Variants in CSMD1 observed in about 807,000 individuals in gnomAD.
The protein encoded by CSMD1 is CUB and Sushi multiple domains 1.
In CSMD1, 213 loss-of-function variants were observed where a neutral mutation model predicts 417.5. That is an observed-to-expected ratio of 0.51 (90% CI 0.46 to 0.57). The LOEUF is 0.57. Ranked by LOEUF, CSMD1 falls within the 20% of genes least tolerant of loss-of-function variation. The pLI, the probability that CSMD1 is intolerant of heterozygous loss-of-function variation, is 0.00. For synonymous variants in CSMD1, 2,862 were observed against 1,736.8 expected (o/e 1.65, Z -16.11); for missense variants, 6,923 against 4,529.7 (o/e 1.53, Z -15.17).
At chr8:4,359,208 G>A (rs1158371260) in intron 3 of CSMD1, among the ~76,000 whole-genome samples, 1 of 152,148 alleles carries the variant, frequency 6.6e-6, no homozygotes, top group South Asian at 2.1e-4. Flanking sequence ...AGCATGAGTT[G>A]CATTATCTGT....
At chr8:3,288,984 A>G (rs1203270750) in intron 25 of CSMD1, among the ~76,000 whole-genome samples, 2 of 143,032 alleles carry the variant, frequency 1.4e-5, no homozygotes, top group African/African-American at 3.0e-5. Context: ...CACTCCCCCT[A>G]CCCCACAACA....
chr8:3,281,458 GTAAA>G, intron 26 of CSMD1, among the ~76,000 whole-genome samples: 1 of 152,084 alleles, frequency 6.6e-6, no homozygotes, highest in African/African-American at 2.4e-5. Context: ...AAAAAAACGG[GTAAA>G]TAAACTGTGG....
At chr8:3,506,433 T>A (rs117118954) in intron 10 of CSMD1, among the ~76,000 whole-genome samples, 2 of 152,138 alleles carry the variant, frequency 1.3e-5, no homozygotes, top group African/African-American at 2.4e-5. Flanking sequence ...GCCGAATGGG[T>A]AAGTACTCAC....
At chr8:3,876,604 GTT>G (rs1805841067) in intron 5 of CSMD1, among the ~76,000 whole-genome samples, 1 of 152,108 alleles carries the variant, frequency 6.6e-6, no homozygotes, top group Non-Finnish European at 1.5e-5. Flanking sequence ...TCATGGTATT[GTT>G]TTTGTTTGTT....
chr8:3,591,195 C>T lies in CSMD1; in HGVS notation c.1098-4935G>A, dbSNP rs1429799537. 2.0e-5 allele frequency among the ~76,000 whole-genome samples: 3 copies of T among 152,172 alleles called. 1 individual carries two copies. Among genetic ancestry groups the T allele is most frequent in the Admixed American group, 2.0e-4 (3 of 15,280 alleles). The stretch of plus-strand genomic sequence containing the variant: ...TACATGGTACATTGACAATAAATAT[C>T]ACACAGCAAAAGTTAACTCAAACAA... On this transcript the variant is annotated intron_variant, in intron 8 of 69. Transcript: ENST00000635120.
chr8:3,186,236 T>C (rs1356925733), intron 36 of CSMD1, among the ~76,000 whole-genome samples: 1 of 152,214 alleles, frequency 6.6e-6, no homozygotes, highest in Non-Finnish European at 1.5e-5. Context: ...ACACAGTGTC[T>C]GATATCTAGC....
chr8:3,851,469 A>G (rs1369756790), intron 5 of CSMD1, among the ~76,000 whole-genome samples: 1 of 152,182 alleles, frequency 6.6e-6, no homozygotes, highest in Non-Finnish European at 1.5e-5. Context: ...CTCAAGGGAA[A>G]AAGTACAAAA....
chr8:3,677,559 G>A (rs762274603), intron 7 of CSMD1, among the ~76,000 whole-genome samples: 28 of 152,146 alleles, frequency 1.8e-4, no homozygotes, highest in African/African-American at 6.3e-4. Flanking sequence ...GCACCCAGAA[G>A]GGTTTGGAGA....
In CSMD1 at chr8:3,795,851, ATATC is replaced by A. The variant is rs1236697031; in HGVS notation, c.819-41813_819-41810del. On this transcript the variant is annotated intron_variant, in intron 5 of 69. Coordinates refer to ENST00000635120, the MANE Select transcript of CSMD1 (RefSeq NM_033225.6). ...ATCTATCATGTACAGATATAGATAT[ATATC>A]TATCATGTACAGATATAGATATATA... 9.1e-5 allele frequency among the ~76,000 whole-genome samples: 8 copies of A among 87,688 alleles called. 2 individuals are homozygous for A. Among genetic ancestry groups the A allele is most frequent in the Non-Finnish European group, 1.4e-4 (6 of 42,026 alleles). The allele number at this position is 87,688 out of a possible 152,430, so 57.5% of individuals were successfully genotyped here. A position where few individuals can be genotyped will look rare whatever the true frequency, so the allele number is the denominator to read the frequency against.
chr8:3,955,467 T>G lies in CSMD1; in HGVS notation c.818+42436A>C, dbSNP rs141473258. Among the ~76,000 whole-genome samples the G allele has an allele frequency of 1.4e-4, 22 of 152,326 alleles. No homozygotes were observed. The East Asian group carries it at 3.7e-3, about 25-fold the overall frequency. On this transcript the variant is annotated intron_variant, in intron 5 of 69. Transcript: ENST00000635120. ...GAAAAAATGTAGAAATAAAGTAGAA[T>G]TTTGTACTGATATGTCATTCTCTCT...
intron 57 of CSMD1, 56 bp downstream of exon 57, chr8:2,973,061 A>G: frequency 6.5e-7 from 1 of 1,537,874 alleles, no homozygotes. Context: ...GGCATTTTAG[A>G]ACGAGCTGTG....
chr8:4,446,271 G>A (rs6990676), intron 2 of CSMD1, among the ~76,000 whole-genome samples: 2,892 of 152,242 alleles, frequency 0.019, 90 homozygotes, highest in African/African-American at 0.065. Flanking sequence ...GACCCAGCTG[G>A]GAGTGGTGGC....
chr8:3,997,403 TGTTAA>T (rs71205403), intron 5 of CSMD1, among the ~76,000 whole-genome samples: 7,945 of 152,244 alleles, frequency 0.052, 256 homozygotes, highest in Non-Finnish European at 0.077. Context: ...CTAAGATGTG[TGTTAA>T]GTTATTTTGC....
At chr8:3,874,716 C>G (rs150487626) in intron 5 of CSMD1, among the ~76,000 whole-genome samples, 1 of 152,046 alleles carries the variant, frequency 6.6e-6, no homozygotes. Flanking sequence ...ATGCGACTGG[C>G]GCCCACTGCT....
chr8:4,160,269 T>C (rs1050248509), intron 3 of CSMD1, among the ~76,000 whole-genome samples: 1 of 152,102 alleles, frequency 6.6e-6, no homozygotes, highest in Non-Finnish European at 1.5e-5. Context: ...CAAAACATTC[T>C]GATTCTTGGA....
At position 4,887,820 on chromosome 8, in the gene CSMD1, C is replaced by A. The variant is rs1803855993; in HGVS notation, c.85+106512G>T. ...CTAGTGACACTTTTTGTTTTAAAGTCTTTTTTGAGCAGTGTTCGTACAGCC... is the reference window on the plus strand; with the variant it reads ...CTAGTGACACTTTTTGTTTTAAAGTATTTTTTGAGCAGTGTTCGTACAGCC... On this transcript the variant is annotated intron_variant, in intron 1 of 69. Transcript: ENST00000635120. Among the ~76,000 whole-genome samples, 4 of 151,670 alleles carry A rather than the reference C, an allele frequency of 2.6e-5. No individual in the cohort carries two copies. In the South Asian group the frequency reaches 8.3e-4, roughly 31 times the overall value.
intron 25 of CSMD1, among the ~76,000 whole-genome samples, chr8:3,304,972 G>A (rs893284293): frequency 6.6e-6 from 1 of 152,114 alleles, no homozygotes; most frequent in African/African-American, 2.4e-5. Context: ...CAAAATCAAA[G>A]CCATTGGAAG....
chr8:4,080,623 G>T (rs911426845), intron 3 of CSMD1, among the ~76,000 whole-genome samples: 7 of 152,104 alleles, frequency 4.6e-5, no homozygotes, highest in Non-Finnish European at 1.0e-4. Context: ...GAGTTTAGAA[G>T]CTAAATTTTA....
At chr8:4,457,897 G>C (rs1299292378) in intron 2 of CSMD1, among the ~76,000 whole-genome samples, 1 of 152,078 alleles carries the variant, frequency 6.6e-6, no homozygotes, top group East Asian at 1.9e-4. Context: ...CGTAGTGAAC[G>C]TCTCCATTTT....
Sources: allele counts gnomAD v4.1 joint callset (sites outside exome capture counted in the v4.1 genomes callset), GRCh38; gene constraint gnomAD v4.1.1; transcripts MANE v1.5; gene names NCBI Gene and HGNC (gene_info 2026-07-23, HGNC 2026-07-21).